The following FRRS1 variants were observed in gnomAD, a reference collection of about 807,000 sequenced individuals.
FRRS1 encodes ferric chelate reductase 1, also known as ferric reductase 1.
A neutral mutation model predicts 70.7 loss-of-function variants in FRRS1; 51 were observed. The observed-to-expected ratio is 0.72, with a 90% confidence interval of 0.58 to 0.91. The LOEUF is 0.91. FRRS1 is among the 40% of genes least tolerant of loss of function. The pLI is 0.00. For synonymous variants in FRRS1, 225 were observed against 238.7 expected (o/e 0.94, Z 0.53); for missense variants, 672 against 726.0 (o/e 0.93, Z 0.86).
chr1:99,755,324 C>T (rs1656778375), intron 1 of FRRS1, among the ~76,000 whole-genome samples: 1 of 151,084 alleles, frequency 6.6e-6, no homozygotes, highest in Non-Finnish European at 1.5e-5. Context: ...CTCAAGAGGC[C>T]GAGGTGGAAG....
In FRRS1 at chr1:99,740,900, T is replaced by C. The variant is rs1655924955; in HGVS notation, c.469A>G (p.Ile157Val). ...GGTTGTGAAATTATAGGACCAGGAA[T>C]CTTCACCCAGTAGATTTTATACTTC... is the stretch of plus-strand genomic sequence containing the variant. ...VEKYKIYWVKIPGPIISQPNA... is the reference protein window; with the variant it reads ...VEKYKIYWVKVPGPIISQPNA... Residue 157 changes from isoleucine (I) to valine (V), a missense_variant, in exon 6 of 17, where the codon ATT becomes GTT. Physicochemically the swap from Ile to Val is conservative, Grantham distance 29. Coordinates refer to ENST00000646001, the MANE Select transcript of FRRS1 (RefSeq NM_001361041.2). 5 of 1,609,310 alleles carry C rather than the reference T, an allele frequency of 3.1e-6. No homozygotes were observed. Among genetic ancestry groups the C allele is most frequent in the Non-Finnish European group, 4.3e-6 (5 of 1,175,716 alleles).
intron 9 of FRRS1, among the ~76,000 whole-genome samples, chr1:99,724,819 C>A (rs1323775303): frequency 6.6e-6 from 1 of 151,458 alleles, no homozygotes; most frequent in Non-Finnish European, 1.5e-5. Flanking sequence ...GCTTGTGCTG[C>A]AAATATATGT....
chr1:99,720,007 G>A (rs1654737303), intron 9 of FRRS1, among the ~76,000 whole-genome samples: 1 of 152,206 alleles, frequency 6.6e-6, no homozygotes, highest in Non-Finnish European at 1.5e-5. Flanking sequence ...AATATTGAAA[G>A]AGAATACATA....
intron 1 of FRRS1, among the ~76,000 whole-genome samples, chr1:99,758,965 T>A (rs1438987667): frequency 1.3e-5 from 2 of 152,180 alleles, no homozygotes; most frequent in Non-Finnish European, 2.9e-5. Context: ...GGGGCAAAAC[T>A]CTGCCCTGGT....
chr1:99,709,336 G>T, intron 15 of FRRS1, 77 bp from the exon 16 acceptor site: 1 of 988,194 alleles, frequency 1.0e-6, no homozygotes, highest in Non-Finnish European at 1.6e-6. Context: ...AACCTGATTT[G>T]TACTGTTCAC....
intron 1 of FRRS1, among the ~76,000 whole-genome samples, chr1:99,761,214 C>T (rs1438870200): frequency 1.3e-5 from 2 of 152,014 alleles, no homozygotes; most frequent in South Asian, 2.1e-4. Context: ...ACAACCTCCA[C>T]GTATCAGACT....
At position 99,714,730 on chromosome 1, in the gene FRRS1, G is replaced by A. The variant is rs573067007; in HGVS notation, c.1323+856C>T. Among the ~76,000 whole-genome samples the A allele has an allele frequency of 2.0e-5, 3 of 152,170 alleles. No homozygotes were observed. The South Asian group carries it at 6.2e-4, about 32-fold the overall frequency. ...GGATGTGCAAGAGAGCACAGTTAAT[G>A]ATAATTCCAAGGCTTTGATCTAACA... On this transcript the variant is annotated intron_variant, in intron 12 of 16. Transcript: ENST00000646001.
At chr1:99,723,950 A>G (rs1040263042) in intron 9 of FRRS1, among the ~76,000 whole-genome samples, 2 of 152,216 alleles carry the variant, frequency 1.3e-5, no homozygotes, top group Admixed American at 6.5e-5. Context: ...AGGAGCTACA[A>G]AAGTGTCAAA....
At chr1:99,712,009 T>G in intron 14 of FRRS1, 96 bp downstream of exon 14, 1 of 779,156 alleles carries the variant, frequency 1.3e-6, no homozygotes, top group Non-Finnish European at 2.2e-6. Flanking sequence ...ATTACTCCAA[T>G]TACTAATGCA....
At chr1:99,725,458 A>G (rs1374837415) in intron 9 of FRRS1, among the ~76,000 whole-genome samples, 1 of 152,242 alleles carries the variant, frequency 6.6e-6, no homozygotes, top group Non-Finnish European at 1.5e-5. Context: ...ACTACAGCAC[A>G]CATAAAACCA....
chr1:99,744,968 T>C (rs1656174172), intron 4 of FRRS1, among the ~76,000 whole-genome samples: 1 of 14,232 alleles, frequency 7.0e-5, no homozygotes, highest in Non-Finnish European at 1.2e-4. Context: ...AGACTCCGTC[T>C]CAAAAAAAAA....
At chr1:99,715,824 G>GAAAA in intron 11 of FRRS1, 152 bp from the exon 12 acceptor site, 10 of 377,786 alleles carry the variant, frequency 2.6e-5, no homozygotes, top group East Asian at 8.8e-5. Flanking sequence ...GCCAGGTTAA[G>GAAAA]AAAAAAAAAA....
intron 11 of FRRS1, 32 bp from the exon 12 acceptor site, chr1:99,715,704 C>G (rs754676537): frequency 6.7e-7 from 1 of 1,482,110 alleles, no homozygotes; most frequent in Non-Finnish European, 9.4e-7. Context: ...TAAGAAGACA[C>G]TTATCCATGT....
chr1:99,731,404 C>G (rs1056234373), intron 7 of FRRS1, among the ~76,000 whole-genome samples: 2 of 152,170 alleles, frequency 1.3e-5, no homozygotes, highest in Non-Finnish European at 2.9e-5. Context: ...TTTAAAAACT[C>G]TCAAGGATGT....
rs762202552 is a variant in FRRS1, at chr1:99,738,171, G to A, written c.674C>T (p.Thr225Ile). ...AACCATCACCGATTGGTCATCTCTTGTGAAGGACAAGAAGACACAGGAAGC... is the reference window on the plus strand; with the variant it reads ...AACCATCACCGATTGGTCATCTCTTATGAAGGACAAGAAGACACAGGAAGC... ...KEASCVFLSF[T>I]RDDQSVMVEM... The change falls in exon 7 of 17, where the codon ACA (threonine) becomes ATA (isoleucine). Residue 225 changes from threonine to isoleucine, a missense_variant. Thr to Ile is a moderately conservative substitution (Grantham distance 89). Coordinates refer to ENST00000646001, the MANE Select transcript of FRRS1 (RefSeq NM_001361041.2). The A allele has an allele frequency of 6.8e-6, 11 of 1,613,698 alleles. No individual in the cohort carries two copies. The highest frequency in any genetic ancestry group is 9.3e-6 in the Non-Finnish European group (11 of 1,179,754).
At chr1:99,754,117 T>C (rs1656709840) in intron 1 of FRRS1, among the ~76,000 whole-genome samples, 1 of 152,062 alleles carries the variant, frequency 6.6e-6, no homozygotes, top group Admixed American at 6.6e-5. Context: ...TCAAAATAAG[T>C]GAGGCAAAAA....
chr1:99,753,277 T>A (rs995776669), intron 1 of FRRS1, among the ~76,000 whole-genome samples: 3 of 150,840 alleles, frequency 2.0e-5, no homozygotes, highest in Non-Finnish European at 3.0e-5. Context: ...TCCCAGCACT[T>A]TGGGAGGGAA....
intron 1 of FRRS1, among the ~76,000 whole-genome samples, chr1:99,752,234 A>G (rs1017611349): frequency 3.9e-5 from 6 of 152,308 alleles, no homozygotes; most frequent in African/African-American, 1.4e-4. Flanking sequence ...TGCATTTACA[A>G]CTTGGCTGAC....
intron 1 of FRRS1, among the ~76,000 whole-genome samples, chr1:99,757,900 T>G (rs1047524489): frequency 6.6e-6 from 1 of 152,116 alleles, no homozygotes; most frequent in Admixed American, 6.5e-5. Flanking sequence ...ATGACAGGTT[T>G]TAATCAACTT....
Sources: allele counts gnomAD v4.1 joint callset (sites outside exome capture counted in the v4.1 genomes callset), GRCh38; gene constraint gnomAD v4.1.1; transcripts MANE v1.5; gene names NCBI Gene and HGNC (gene_info 2026-07-23, HGNC 2026-07-21).